GPC6: variants seen among roughly 807,000 people sequenced by gnomAD.
The protein encoded by GPC6 is glypican-6.
In GPC6, 14 loss-of-function variants were observed where a neutral mutation model predicts 55.2. That is an observed-to-expected ratio of 0.25 (90% CI 0.17 to 0.40). The LOEUF is 0.40. Ranked by LOEUF, GPC6 falls within the 10% of genes least tolerant of loss-of-function variation. GPC6 has a pLI of 1.00. For synonymous variants in GPC6, 278 were observed against 259.6 expected (o/e 1.07, Z -0.68); for missense variants, 641 against 708.5 (o/e 0.90, Z 1.08).
intron 1 of GPC6, among the ~76,000 whole-genome samples, chr13:93,343,395 T>C (rs975660108): frequency 5.3e-5 from 8 of 152,134 alleles, no homozygotes; most frequent in Admixed American, 5.2e-4. Context: ...CATTGAAATT[T>C]CTTATTGCAA....
intron 8 of GPC6, among the ~76,000 whole-genome samples, chr13:94,401,927 A>ATGATTGAT (rs60321246): frequency 3.4e-4 from 51 of 150,456 alleles, no homozygotes; most frequent in Admixed American, 5.3e-4. Context: ...GCCAGACCCT[A>ATGATTGAT]TGATTGATTG....
At chr13:94,319,337 A>AGAGGACC in intron 6 of GPC6, among the ~76,000 whole-genome samples, 1 of 152,316 alleles carries the variant, frequency 6.6e-6, no homozygotes, top group Middle Eastern at 3.4e-3. Flanking sequence ...TAACAATACA[A>AGAGGACC]GAGGACCTTA....
At chr13:93,272,903 T>C (rs996165909) in intron 1 of GPC6, among the ~76,000 whole-genome samples, 1 of 152,138 alleles carries the variant, frequency 6.6e-6, no homozygotes, top group African/African-American at 2.4e-5. Context: ...TTCTTTCTAT[T>C]AGGATTTGAA....
At chr13:93,307,534 C>T (rs1436412490) in intron 1 of GPC6, among the ~76,000 whole-genome samples, 1 of 152,064 alleles carries the variant, frequency 6.6e-6, no homozygotes, top group African/African-American at 2.4e-5. Flanking sequence ...ATAAACCACT[C>T]ATACCTATGT....
chr13:93,707,337 G>C (rs1882888278), intron 2 of GPC6, among the ~76,000 whole-genome samples: 1 of 151,628 alleles, frequency 6.6e-6, no homozygotes, highest in African/African-American at 2.4e-5. Flanking sequence ...AAACCCCCAT[G>C]CCACAGACTA....
chr13:93,831,936 A>G, intron 3 of GPC6, among the ~76,000 whole-genome samples: 1 of 148,932 alleles, frequency 6.7e-6, no homozygotes, highest in Non-Finnish European at 1.5e-5. Flanking sequence ...TAAAAATACA[A>G]AAAAATAGCC....
chr13:93,388,358 G>A (rs1323579230), intron 1 of GPC6, among the ~76,000 whole-genome samples: 3 of 152,148 alleles, frequency 2.0e-5, no homozygotes, highest in Non-Finnish European at 4.4e-5. Context: ...CCTGGCCCAT[G>A]ACCTTACCCA....
chr13:94,399,011 G>A (rs1216352327), intron 8 of GPC6, among the ~76,000 whole-genome samples: 1 of 152,200 alleles, frequency 6.6e-6, no homozygotes. Context: ...CCCACCAAAA[G>A]AAGAAAGCTC....
intron 4 of GPC6, among the ~76,000 whole-genome samples, chr13:94,110,483 A>G (rs1886206808): frequency 6.6e-6 from 1 of 152,144 alleles, no homozygotes; most frequent in South Asian, 2.1e-4. Context: ...TGAGGCAAGT[A>G]GAACAGTAGG....
At chr13:93,513,895 C>T (rs2590518) in intron 1 of GPC6, among the ~76,000 whole-genome samples, 119,750 of 130,344 alleles carry the variant, frequency 0.92, 54,965 homozygotes, top group East Asian at 0.98. Context: ...TTTTTTTTTT[C>T]GGTGTTTCAC....
intron 4 of GPC6, among the ~76,000 whole-genome samples, chr13:94,040,766 T>C (rs1594688247): frequency 6.6e-6 from 1 of 151,942 alleles, no homozygotes; most frequent in Admixed American, 6.6e-5. Context: ...CTAACTCACA[T>C]AGGAGTCTTG....
chr13:93,732,935 G>A (rs1883880264), intron 2 of GPC6, among the ~76,000 whole-genome samples: 1 of 151,112 alleles, frequency 6.6e-6, no homozygotes. Context: ...TTTTTTTTCT[G>A]TACCAGTCTT....
chr13:93,974,885 C>T (rs1033790793), intron 3 of GPC6, among the ~76,000 whole-genome samples: 1 of 151,986 alleles, frequency 6.6e-6, no homozygotes, highest in African/African-American at 2.4e-5. Flanking sequence ...CTGCTTTTAT[C>T]CTCACTTTAT....
At chr13:94,356,949 G>A (rs1878828447) in intron 6 of GPC6, among the ~76,000 whole-genome samples, 2 of 152,110 alleles carry the variant, frequency 1.3e-5, no homozygotes, top group Non-Finnish European at 2.9e-5. Flanking sequence ...AATGGAAAAT[G>A]TGTCATGGAG....
At chr13:94,290,206 G>A (rs1198542245) in intron 5 of GPC6, among the ~76,000 whole-genome samples, 1 of 152,038 alleles carries the variant, frequency 6.6e-6, no homozygotes, top group African/African-American at 2.4e-5. Flanking sequence ...AGGATCACTT[G>A]AGTCCATGAG....
chr13:93,864,661 G>A (rs998679577), intron 3 of GPC6, among the ~76,000 whole-genome samples: 2 of 151,708 alleles, frequency 1.3e-5, no homozygotes, highest in African/African-American at 4.8e-5. Flanking sequence ...TCTTCACAAT[G>A]ACCTTATAAG....
chr13:93,492,652 G>C (rs1880067990), intron 1 of GPC6, among the ~76,000 whole-genome samples: 1 of 150,874 alleles, frequency 6.6e-6, no homozygotes, highest in Non-Finnish European at 1.5e-5. Context: ...GATATTGGCT[G>C]TGGGTTTGTC....
chr13:93,370,280 G>A (rs1005609162), intron 1 of GPC6, among the ~76,000 whole-genome samples: 73 of 152,170 alleles, frequency 4.8e-4, no homozygotes, highest in African/African-American at 1.7e-3. Context: ...GAGGTCCCCT[G>A]ATAAAGAAAT....
chr13:93,254,268 G>A (rs1876878732), intron 1 of GPC6, among the ~76,000 whole-genome samples: 1 of 152,108 alleles, frequency 6.6e-6, no homozygotes, highest in African/African-American at 2.4e-5. Flanking sequence ...AAGTTACTGT[G>A]ATCTATGATC....
Sources: gnomAD v4.1 joint callset for allele counts (sites outside exome capture counted in the v4.1 genomes callset) on GRCh38, gnomAD v4.1.1 for gene constraint, MANE v1.5 for transcripts, NCBI Gene and HGNC (gene_info 2026-07-23, HGNC 2026-07-21) for gene names.